Variants in SLC36A1 observed in about 807,000 individuals in gnomAD.
SLC36A1 encodes the protein solute carrier family 36 member 1.
Under a neutral mutation model 47.5 loss-of-function variants are expected in SLC36A1, and 30 were observed. The observed-to-expected ratio is 0.63, with a 90% CI of 0.47 to 0.86. SLC36A1 has a LOEUF of 0.86. Ranked by LOEUF, SLC36A1 falls within the 40% of genes least tolerant of loss-of-function variation. The pLI, the probability that SLC36A1 is intolerant of heterozygous loss-of-function variation, is 0.00. For synonymous variants in SLC36A1, 255 were observed against 249.7 expected, an observed-to-expected ratio of 1.02 and a Z score of -0.20; for missense variants, 517 against 606.0, an observed-to-expected ratio of 0.85 and a Z score of 1.54.
At chr5:151,398,287 G>C in the SLC36A1 span, among the ~76,000 whole-genome samples, 1 of 152,158 alleles carries the variant, frequency 6.6e-6, no homozygotes, top group Non-Finnish European at 1.5e-5. Flanking sequence ...CAATTAGAAT[G>C]TACAAGCTGG....
upstream of SLC36A1, among the ~76,000 whole-genome samples, chr5:151,445,916 A>G (rs1752889346): frequency 6.6e-6 from 1 of 151,850 alleles, no homozygotes; most frequent in Non-Finnish European, 1.5e-5. Context: ...ATTTTTTCCA[A>G]AAAATCAACT....
At chr5:151,347,520 G>A in the SLC36A1 span, 6 of 1,596,554 alleles carry the variant, frequency 3.8e-6, no homozygotes, top group South Asian at 1.1e-5. Flanking sequence ...AAGGAGGGAA[G>A]CAGGAAGGTG....
the SLC36A1 span, chr5:151,522,077 T>C: frequency 1.1e-5 from 17 of 1,589,584 alleles, no homozygotes; most frequent in African/African-American, 5.4e-5. Flanking sequence ...GGGATGCCAC[T>C]GTCTGACGCC....
the SLC36A1 span, among the ~76,000 whole-genome samples, chr5:151,501,072 T>C: frequency 3.9e-5 from 6 of 152,312 alleles, no homozygotes; most frequent in African/African-American, 1.4e-4. Flanking sequence ...CGGACCTGCC[T>C]TGGGGTCTTG....
At chr5:151,439,347 A>G (rs1752489942) in intron 1 of SLC36A1, among the ~76,000 whole-genome samples, 1 of 152,152 alleles carries the variant, frequency 6.6e-6, no homozygotes, top group Admixed American at 6.6e-5. Context: ...ATCATCAAAA[A>G]ATCACAATAA....
the SLC36A1 span, among the ~76,000 whole-genome samples, chr5:151,391,231 T>C: frequency 0.071 from 10,876 of 152,174 alleles, 983 homozygotes; most frequent in African/African-American, 0.22. Flanking sequence ...ATAAGAATGC[T>C]TCTGATTTTT....
At chr5:151,535,649 C>T in the SLC36A1 span, among the ~76,000 whole-genome samples, 2 of 152,134 alleles carry the variant, frequency 1.3e-5, no homozygotes, top group African/African-American at 2.4e-5. Flanking sequence ...ACAAATTAAT[C>T]GAACCCAAAG....
the SLC36A1 span, among the ~76,000 whole-genome samples, chr5:151,527,724 G>A: frequency 2.0e-5 from 3 of 152,328 alleles, no homozygotes; most frequent in South Asian, 2.1e-4. Context: ...CTCAAAAAAT[G>A]TGGCTATTTT....
At chr5:151,519,606 G>A in the SLC36A1 span, among the ~76,000 whole-genome samples, 1 of 152,162 alleles carries the variant, frequency 6.6e-6, no homozygotes, top group Non-Finnish European at 1.5e-5. Flanking sequence ...TGGAAGGGGG[G>A]CCCAAGGGAG....
At chr5:151,479,922 A>T in intron 10 of SLC36A1, 1 of 540,500 alleles carries the variant, frequency 1.9e-6, no homozygotes. Flanking sequence ...TTTCCTTTAG[A>T]GGCTTTATGA....
chr5:151,441,378 T>G (rs1373039111), intron 1 of SLC36A1, among the ~76,000 whole-genome samples: 1 of 152,212 alleles, frequency 6.6e-6, no homozygotes, highest in Non-Finnish European at 1.5e-5. Flanking sequence ...GAGGTTGTAT[T>G]TAATGTATGT....
At chr5:151,430,101 A>T in the SLC36A1 span, among the ~76,000 whole-genome samples, 1,060 of 151,100 alleles carry the variant, frequency 7.0e-3, 13 homozygotes, top group Middle Eastern at 0.014. Flanking sequence ...AGGCCTGGTC[A>T]TTGCCTTTGG....
chr5:151,455,786 A>G (rs538233732), intron 1 of SLC36A1, among the ~76,000 whole-genome samples: 1 of 152,348 alleles, frequency 6.6e-6, no homozygotes, highest in South Asian at 2.1e-4. Flanking sequence ...TTGTTACCAC[A>G]GATTCTTAAA....
the SLC36A1 span, among the ~76,000 whole-genome samples, chr5:151,352,660 T>C: frequency 6.6e-6 from 1 of 152,242 alleles, no homozygotes; most frequent in African/African-American, 2.4e-5. Context: ...TTGTTGTTCT[T>C]CTTCCTAGCT....
the SLC36A1 span, chr5:151,553,234 T>C: frequency 3.7e-6 from 6 of 1,614,092 alleles, no homozygotes; most frequent in Admixed American, 1.7e-5. Context: ...ACCCCCACCA[T>C]GTGGTTCACA....
chr5:151,410,735 T>A, the SLC36A1 span, among the ~76,000 whole-genome samples: 1 of 144,582 alleles, frequency 6.9e-6, no homozygotes, highest in Admixed American at 6.8e-5. Context: ...GGAGGAGAAA[T>A]TTATGGAGAC....
chr5:151,540,863 TG>T, the SLC36A1 span: 2 of 1,118,870 alleles, frequency 1.8e-6, no homozygotes, highest in Non-Finnish European at 2.5e-6. Context: ...TTAGAATTGT[TG>T]GGAAAGCAAA....
the SLC36A1 span, among the ~76,000 whole-genome samples, chr5:151,405,615 G>A: frequency 1.3e-5 from 2 of 149,724 alleles, no homozygotes; most frequent in East Asian, 4.1e-4. Flanking sequence ...TGAACCTTTA[G>A]AGATAAGAAA....
the SLC36A1 span, among the ~76,000 whole-genome samples, chr5:151,383,820 G>A: frequency 2.6e-5 from 4 of 151,936 alleles, no homozygotes; most frequent in Admixed American, 6.6e-5. Flanking sequence ...TGATCTGCCC[G>A]CCTCGGCCTC....
Sources: allele counts gnomAD v4.1 joint callset (sites outside exome capture counted in the v4.1 genomes callset), GRCh38; gene constraint gnomAD v4.1.1; transcripts MANE v1.5; gene names NCBI Gene and HGNC (gene_info 2026-07-23, HGNC 2026-07-21).